The following TRAIP variants were observed in gnomAD, a reference collection of about 807,000 sequenced individuals.
TRAIP encodes the protein E3 ubiquitin-protein ligase TRAIP.
A neutral mutation model predicts 65.0 loss-of-function variants in TRAIP; 37 were observed. The observed-to-expected ratio is 0.57, with a 90% confidence interval of 0.44 to 0.75. TRAIP has a LOEUF of 0.75. Among genes scored for constraint, TRAIP ranks in the 30% least tolerant of loss-of-function variants. The probability of loss-of-function intolerance (pLI) is 0.00; values close to 1 mark genes in which losing one functional copy is unlikely to be tolerated. For synonymous variants in TRAIP, 187 were observed against 219.1 expected (o/e 0.85, Z 1.29); for missense variants, 481 against 579.4 (o/e 0.83, Z 1.74).
Position 49,847,449 on chromosome 3 carries a change from A to G in TRAIP, c.240+76T>C, listed in dbSNP as rs1413455236. On this transcript the variant is annotated intron_variant, in intron 3 of 14. Transcript: ENST00000331456. ...GAAGAGAAGAGAAGAGAAGAGAAAA[A>G]AGAAAAGAAAAGAAAAAAGAAAAGT... The G allele has an allele frequency of 1.3e-5, 12 of 905,472 alleles. No individual in the cohort carries two copies. The African/African-American group carries it at 2.1e-4, about 16-fold the overall frequency. The allele number at this position is 905,472 out of a possible 1,614,324, so 56.1% of individuals were successfully genotyped here. A position where few individuals can be genotyped will look rare whatever the true frequency, so the allele number is the denominator to read the frequency against.
At chr3:49,848,225 A>G in intron 1 of TRAIP, 25 bp from the exon 2 acceptor site, 1 of 1,613,544 alleles carries the variant, frequency 6.2e-7, no homozygotes. Flanking sequence ...AGAACAATAG[A>G]CTGATGAGCC....
chr3:49,838,500 A>G (rs1559447490), intron 10 of TRAIP, among the ~76,000 whole-genome samples: 2 of 152,260 alleles, frequency 1.3e-5, no homozygotes, highest in Non-Finnish European at 2.9e-5. Context: ...ATAAGCTCCA[A>G]GAGAACAGAG....
intron 1 of TRAIP, among the ~76,000 whole-genome samples, chr3:49,853,271 T>TA (rs2081948342): frequency 1.3e-5 from 2 of 152,212 alleles, no homozygotes; most frequent in South Asian, 4.1e-4. Flanking sequence ...GAGTAACTGA[T>TA]AAACTAAAAT....
chr3:49,844,647 A>G, intron 3 of TRAIP, 67 bp from the exon 4 acceptor site: 1 of 1,591,782 alleles, frequency 6.3e-7, no homozygotes, highest in Non-Finnish European at 8.6e-7. Flanking sequence ...GGTCTCCCAT[A>G]AGGCTGTGGG....
rs2081736374 is a variant in TRAIP at position 49,831,933 on chromosome 3, A to T, written c.1020T>A (p.Leu340=). Residue 340 remains leucine, a synonymous_variant, in exon 11 of 15, where the codon CTT becomes CTA. Transcript: ENST00000331456. ...TCACTCACTGTGACTTCTCTAGGCA[A>T]AGTTTTTCGTAGTAACCATGCTGGG... ...SSSQHGYYEK[L]CLEKSHSPIQ... is the part of the protein sequence containing the mutation. 1 of 1,589,162 alleles carries T rather than the reference A, an allele frequency of 6.3e-7. No individual in the cohort carries two copies. The highest frequency in any genetic ancestry group is 8.6e-7 in the Non-Finnish European group (1 of 1,167,500).
At chr3:49,856,091 C>T (rs1178406503) in intron 1 of TRAIP, among the ~76,000 whole-genome samples, 2 of 152,226 alleles carry the variant, frequency 1.3e-5, no homozygotes, top group Non-Finnish European at 2.9e-5. Context: ...GAAATCACAT[C>T]TGTTTGTATA....
chr3:49,830,574 C>G (rs948604588), intron 11 of TRAIP, among the ~76,000 whole-genome samples: 8 of 152,192 alleles, frequency 5.3e-5, no homozygotes, highest in African/African-American at 1.4e-4. Context: ...AACACAGGGC[C>G]AAGCCATCTC....
intron 11 of TRAIP, 109 bp downstream of exon 11, chr3:49,831,807 C>G: frequency 1.5e-6 from 2 of 1,300,866 alleles, no homozygotes; most frequent in Non-Finnish European, 2.0e-6. Flanking sequence ...CAAGCCTAGG[C>G]AACCCTCACT....
At chr3:49,840,140 G>A in intron 9 of TRAIP, 144 bp downstream of exon 9, 1 of 781,652 alleles carries the variant, frequency 1.3e-6, no homozygotes, top group Non-Finnish European at 2.1e-6. Context: ...CCAGGGCCAA[G>A]GGGCACACCC....
rs757994341 is a variant in TRAIP at position 49,829,612 on chromosome 3, C to T, written c.1236+5G>A. 5 of 1,614,210 alleles carry T rather than the reference C, an allele frequency of 3.1e-6. No individual in the cohort carries two copies. The highest frequency in any genetic ancestry group is 2.5e-6 in the Non-Finnish European group (3 of 1,180,020). On this transcript the variant is annotated splice_donor_5th_base_variant and intron_variant, in intron 13 of 14. Transcript: ENST00000331456. ...GCTCCTGCCACTGTGGGAAGCCACA[C>T]TCACCACATCTTTGCTGCAAGAGGA...
intron 8 of TRAIP, chr3:49,840,644 T>C: frequency 1.8e-6 from 1 of 561,368 alleles, no homozygotes; most frequent in Non-Finnish European, 3.2e-6. Flanking sequence ...CCAGGAGCCC[T>C]TCTACTCCAG....
chr3:49,830,132 T>G (rs894377709), intron 11 of TRAIP, 64 bp from the exon 12 acceptor site: 12 of 1,558,494 alleles, frequency 7.7e-6, no homozygotes, highest in Non-Finnish European at 8.8e-7. Flanking sequence ...TGAACCAGGC[T>G]CAGCACACGC....
At chr3:49,843,722 G>GA in intron 5 of TRAIP, 79 bp downstream of exon 5, 8 of 1,559,888 alleles carry the variant, frequency 5.1e-6, no homozygotes, top group Non-Finnish European at 7.0e-6. Flanking sequence ...AGAACCAGAA[G>GA]ATAAGCCCAG....
chr3:49,852,861 G>T (rs1339456537), intron 1 of TRAIP, among the ~76,000 whole-genome samples: 1 of 151,988 alleles, frequency 6.6e-6, no homozygotes, highest in Admixed American at 6.6e-5. Context: ...ATGGCTCATG[G>T]CTGTAATCCC....
chr3:49,838,713 C>T (rs1439189815), intron 10 of TRAIP, among the ~76,000 whole-genome samples: 2 of 151,998 alleles, frequency 1.3e-5, no homozygotes, highest in African/African-American at 2.4e-5. Flanking sequence ...TGGTGAAACC[C>T]GTCTCTGCCA....
chr3:49,844,260 G>C (rs1315791307), intron 4 of TRAIP, among the ~76,000 whole-genome samples: 1 of 152,082 alleles, frequency 6.6e-6, no homozygotes, highest in East Asian at 1.9e-4. Flanking sequence ...GCCCTCTCCC[G>C]AAGATATTCA....
intron 10 of TRAIP, among the ~76,000 whole-genome samples, chr3:49,835,938 C>A (rs367560031): frequency 1.3e-3 from 158 of 123,862 alleles, no homozygotes; most frequent in Middle Eastern, 9.0e-3. Flanking sequence ...GACTCCATCT[C>A]AAAAAAAAAA....
In TRAIP at chr3:49,829,051, T is replaced by C. The variant is rs535405356; in HGVS notation, c.*52A>G. 6.2e-6 allele frequency: 10 copies of C among 1,613,610 alleles called. No homozygotes were observed. In the South Asian group the frequency reaches 9.9e-5, roughly 16 times the overall value. On this transcript the variant is annotated 3_prime_UTR_variant, in exon 15 of 15. Coordinates refer to ENST00000331456, the MANE Select transcript of TRAIP (RefSeq NM_005879.3). ...CACAAAACCCCTGCCTGGACAGTCC[T>C]TGACCTACAAGTTGCAGGCATGTGT...
intron 1 of TRAIP, among the ~76,000 whole-genome samples, chr3:49,856,036 T>C (rs769668116): frequency 2.4e-4 from 36 of 152,230 alleles, no homozygotes; most frequent in Admixed American, 2.0e-4. Flanking sequence ...ATAAAAGGAC[T>C]TGTTGATGTG....
Sources: gnomAD v4.1 joint callset for allele counts (sites outside exome capture counted in the v4.1 genomes callset) on GRCh38, gnomAD v4.1.1 for gene constraint, MANE v1.5 for transcripts, NCBI Gene and HGNC (gene_info 2026-07-23, HGNC 2026-07-21) for gene names.